Variants in GRXCR1 observed in about 807,000 individuals in gnomAD.
The protein encoded by GRXCR1 is glutaredoxin domain-containing cysteine-rich protein 1.
GRXCR1 carries 27 observed loss-of-function variants against 27.3 expected under a neutral mutation model. The ratio of observed to expected loss-of-function variants is 0.99; its 90% CI spans 0.73 to 1.37. GRXCR1 has a LOEUF of 1.37. GRXCR1 is among the 40% of genes most tolerant of loss of function. The pLI is 0.00. For synonymous variants in GRXCR1, 122 were observed against 131.1 expected (o/e 0.93, Z 0.47); for missense variants, 379 against 354.4 (o/e 1.07, Z -0.56).
chr4:42,986,874 A>G (rs1711742059), intron 2 of GRXCR1, among the ~76,000 whole-genome samples: 1 of 151,974 alleles, frequency 6.6e-6, no homozygotes, highest in African/African-American at 2.4e-5. Context: ...AGTCCCCCTA[A>G]GCCTGGAAAG....
intron 2 of GRXCR1, among the ~76,000 whole-genome samples, chr4:42,988,403 C>G (rs1369811165): frequency 6.6e-6 from 1 of 152,156 alleles, no homozygotes; most frequent in Non-Finnish European, 1.5e-5. Flanking sequence ...CCAAGTTCAG[C>G]TTACTCTTTC....
intron 1 of GRXCR1, among the ~76,000 whole-genome samples, chr4:42,924,878 G>A (rs753004204): frequency 1.3e-5 from 2 of 152,140 alleles, no homozygotes; most frequent in African/African-American, 2.4e-5. Flanking sequence ...TGGCGTCAGG[G>A]AAGTCTAAAA....
intron 2 of GRXCR1, among the ~76,000 whole-genome samples, chr4:43,008,896 G>A (rs1438578635): frequency 6.6e-6 from 1 of 152,194 alleles, no homozygotes; most frequent in African/African-American, 2.4e-5. Context: ...AATAAATAAT[G>A]CTTGAAGAGC....
intron 2 of GRXCR1, among the ~76,000 whole-genome samples, chr4:42,978,714 A>C (rs1748581828): frequency 6.6e-6 from 1 of 152,012 alleles, no homozygotes; most frequent in Admixed American, 6.6e-5. Flanking sequence ...TTTAACAGCA[A>C]TTTCAGCATG....
chr4:42,893,434 TG>T lies in GRXCR1; in HGVS notation c.169del (p.Asp57IlefsTer10). ...GTATCTGTGGGATAGATGGACTAGGTGATTCCGATGGACAGCAGAATGGCCA... is the reference window on the plus strand; with the variant it reads ...GTATCTGTGGGATAGATGGACTAGGTATTCCGATGGACAGCAGAATGGCCA... ...ASICGIDGLG[D>X]SDGQQNGHIE... On this transcript the variant is annotated frameshift_variant, in exon 1 of 4. Transcript: ENST00000399770. LOFTEE classifies it high-confidence loss of function. 2 of 1,613,784 alleles carry T rather than the reference TG, an allele frequency of 1.2e-6. No homozygotes were observed. Among genetic ancestry groups the T allele is most frequent in the Non-Finnish European group, 1.7e-6 (2 of 1,179,810 alleles).
intron 2 of GRXCR1, among the ~76,000 whole-genome samples, chr4:43,014,116 G>A (rs1242227395): frequency 2.0e-5 from 3 of 151,548 alleles, no homozygotes; most frequent in African/African-American, 7.3e-5. Flanking sequence ...TCCTGCCAGG[G>A]ATACAGAAAA....
intron 2 of GRXCR1, among the ~76,000 whole-genome samples, chr4:42,987,222 T>TTATA (rs1553943891): frequency 9.9e-6 from 1 of 100,568 alleles, no homozygotes; most frequent in African/African-American, 3.8e-5. Context: ...TATATATATA[T>TTATA]TATATATTAT....
At position 42,970,429 on chromosome 4, in the gene GRXCR1, G is replaced by A. The variant is rs139055175; in HGVS notation, c.627+7295G>A. 1.9e-3 allele frequency among the ~76,000 whole-genome samples: 285 copies of A among 152,252 alleles called. 1 individual carries two copies. The highest frequency in any genetic ancestry group is 6.6e-3 in the African/African-American group (274 of 41,546). Reference sequence around the variant, plus strand: ...CTGACTTCTACCTGGACATCCAGGCGTTTCCTTATATCCTCTGAAATCTAA... The same window carrying A: ...CTGACTTCTACCTGGACATCCAGGCATTTCCTTATATCCTCTGAAATCTAA... On this transcript the variant is annotated intron_variant, in intron 2 of 3. Coordinates refer to ENST00000399770, the MANE Select transcript of GRXCR1 (RefSeq NM_001080476.3).
chr4:42,916,721 C>T (rs1469351983), intron 1 of GRXCR1, among the ~76,000 whole-genome samples: 1 of 152,056 alleles, frequency 6.6e-6, no homozygotes, highest in Admixed American at 6.6e-5. Flanking sequence ...TACTGTACAG[C>T]CATTTTCCCC....
rs759288382 is a variant in GRXCR1 at position 43,030,347 on chromosome 4, G to T, written c.694-14G>T. The T allele has an allele frequency of 6.2e-7, 1 of 1,612,662 alleles. No homozygotes were observed. The highest frequency in any genetic ancestry group is 1.7e-5 in the Admixed American group (1 of 60,002). The stretch of plus-strand genomic sequence containing the variant: ...ATCCTCTGTTTTCTCTTGTTCCCCT[G>T]CCACCTTATACAGAGAGTACAGCAT... On this transcript the variant is annotated splice_polypyrimidine_tract_variant and intron_variant, in intron 3 of 3. Transcript: ENST00000399770.
intron 3 of GRXCR1, among the ~76,000 whole-genome samples, chr4:43,030,069 G>A (rs1305870629): frequency 6.6e-6 from 1 of 152,136 alleles, no homozygotes; most frequent in Non-Finnish European, 1.5e-5. Flanking sequence ...GTAGACAGAT[G>A]TTTTCATATG....
At chr4:42,968,784 T>C (rs1203349923) in intron 2 of GRXCR1, among the ~76,000 whole-genome samples, 1 of 152,114 alleles carries the variant, frequency 6.6e-6, no homozygotes, top group African/African-American at 2.4e-5. Flanking sequence ...TTTTTTTTTA[T>C]TTTTTCAGGA....
intron 1 of GRXCR1, among the ~76,000 whole-genome samples, chr4:42,935,460 A>G (rs968136728): frequency 2.0e-5 from 3 of 151,890 alleles, no homozygotes; most frequent in Non-Finnish European, 4.4e-5. Flanking sequence ...CAAATGAGGG[A>G]GGGTTTTGTG....
intron 2 of GRXCR1, among the ~76,000 whole-genome samples, chr4:43,013,881 G>A (rs554152906): frequency 6.6e-6 from 1 of 152,070 alleles, no homozygotes; most frequent in East Asian, 1.9e-4. Flanking sequence ...ACACCCTTGC[G>A]AACATCTAGT....
chr4:43,017,329 G>A (rs1440382233), intron 2 of GRXCR1, among the ~76,000 whole-genome samples: 2 of 152,118 alleles, frequency 1.3e-5, no homozygotes, highest in Admixed American at 6.6e-5. Context: ...TCAGTGAGCA[G>A]GCAGCTTGCA....
chr4:42,987,222 T>TTATATATTATATATATTA (rs1553943897), intron 2 of GRXCR1, among the ~76,000 whole-genome samples: 1 of 100,592 alleles, frequency 9.9e-6, no homozygotes, highest in African/African-American at 3.8e-5. Flanking sequence ...TATATATATA[T>TTATATATTATATATATTA]TATATATTAT....
chr4:42,997,436 A>C (rs1442398417), intron 2 of GRXCR1, among the ~76,000 whole-genome samples: 4 of 152,202 alleles, frequency 2.6e-5, no homozygotes, highest in Non-Finnish European at 5.9e-5. Flanking sequence ...TGTAGCTGAA[A>C]ATGTATAAAC....
intron 2 of GRXCR1, among the ~76,000 whole-genome samples, chr4:42,973,323 C>G (rs1041561460): frequency 1.3e-5 from 2 of 152,134 alleles, no homozygotes; most frequent in Admixed American, 1.3e-4. Flanking sequence ...CTATTAATAT[C>G]TTGTTAGTTT....
chr4:42,926,278 G>A (rs1478001414), intron 1 of GRXCR1, among the ~76,000 whole-genome samples: 1 of 151,898 alleles, frequency 6.6e-6, no homozygotes, highest in Non-Finnish European at 1.5e-5. Context: ...GGTGAATACA[G>A]GTAAAAATAC....
Sources: gnomAD v4.1 joint callset for allele counts (sites outside exome capture counted in the v4.1 genomes callset) on GRCh38, gnomAD v4.1.1 for gene constraint, MANE v1.5 for transcripts, NCBI Gene and HGNC (gene_info 2026-07-23, HGNC 2026-07-21) for gene names.